Variants in MOB3B observed in about 807,000 individuals in gnomAD.
MOB3B encodes the protein MOB kinase activator-like 2B.
A neutral mutation model predicts 18.7 loss-of-function variants in MOB3B; 7 were observed. The ratio of observed to expected loss-of-function variants is 0.37; its 90% CI spans 0.21 to 0.70. The LOEUF (loss-of-function observed/expected upper bound fraction) is 0.70, where lower values mean the gene tolerates loss of function less well. MOB3B is among the 30% of genes least tolerant of loss of function. The pLI, the probability that MOB3B is intolerant of heterozygous loss-of-function variation, is 0.52. For synonymous variants in MOB3B, 111 were observed against 99.9 expected, an observed-to-expected ratio of 1.11 and a Z score of -0.66; for missense variants, 253 against 281.3, an observed-to-expected ratio of 0.90 and a Z score of 0.72.
chr9:27,394,509 T>C (rs1198231756), intron 2 of MOB3B, among the ~76,000 whole-genome samples: 1 of 152,182 alleles, frequency 6.6e-6, no homozygotes, highest in Admixed American at 6.5e-5. Context: ...AAATGAGCTA[T>C]AAAGACTGAC....
intron 2 of MOB3B, among the ~76,000 whole-genome samples, chr9:27,447,788 G>T (rs566688323): frequency 6.6e-6 from 1 of 152,200 alleles, no homozygotes; most frequent in Non-Finnish European, 1.5e-5. Context: ...TTGTGGTGGG[G>T]AACTGTGACC....
intron 2 of MOB3B, among the ~76,000 whole-genome samples, chr9:27,404,343 CTTTCT>C (rs1821934161): frequency 9.9e-6 from 1 of 100,664 alleles, no homozygotes; most frequent in African/African-American, 4.0e-5. Flanking sequence ...TTCCTTCTTT[CTTTCT>C]TTTTTTTTTT....
At chr9:27,380,153 G>A (rs550636913) in intron 2 of MOB3B, among the ~76,000 whole-genome samples, 1 of 152,130 alleles carries the variant, frequency 6.6e-6, no homozygotes, top group East Asian at 1.9e-4. Context: ...GCCCCCACTA[G>A]CAGTGCAACT....
At chr9:27,365,915 G>A (rs1005102660) in intron 2 of MOB3B, among the ~76,000 whole-genome samples, 13 of 152,200 alleles carry the variant, frequency 8.5e-5, no homozygotes, top group Admixed American at 3.3e-4. Context: ...GGAGTGCGCC[G>A]AGGCAACATG....
chr9:27,447,006 A>T (rs1218127012), intron 2 of MOB3B, among the ~76,000 whole-genome samples: 1 of 150,864 alleles, frequency 6.6e-6, no homozygotes, highest in African/African-American at 2.4e-5. Context: ...ATTAGCATGA[A>T]TTTTTTTTTT....
At position 27,398,492 on chromosome 9, in the gene MOB3B, G is replaced by T. The variant is rs115249002; in HGVS notation, c.419-39256C>A. 6.4e-3 allele frequency among the ~76,000 whole-genome samples: 978 copies of T among 152,312 alleles called. 18 individuals are homozygous for T. The highest frequency in any genetic ancestry group is 0.022 in the African/African-American group (909 of 41,568). On this transcript the variant is annotated intron_variant, in intron 2 of 3. Transcript: ENST00000262244. ...AGATCACAGTAGACATAAAGCATTT[G>T]ACACAGAGTCTAATACAGAGCAGGT...
At chr9:27,441,060 C>T (rs1343140597) in intron 2 of MOB3B, among the ~76,000 whole-genome samples, 1 of 152,056 alleles carries the variant, frequency 6.6e-6, no homozygotes. Flanking sequence ...AATCTAACAC[C>T]GCCACTGACC....
At chr9:27,518,191 T>C (rs1325471381) in intron 1 of MOB3B, among the ~76,000 whole-genome samples, 1 of 152,214 alleles carries the variant, frequency 6.6e-6, no homozygotes. Flanking sequence ...AAGAAGACAC[T>C]GTCTTCATCT....
chr9:27,479,971 T>C (rs970786196), intron 1 of MOB3B, among the ~76,000 whole-genome samples: 3 of 151,678 alleles, frequency 2.0e-5, no homozygotes, highest in African/African-American at 7.3e-5. Context: ...GCAGGAGAAT[T>C]GCTTTAGCCC....
At chr9:27,522,013 C>T (rs1193079254) in intron 1 of MOB3B, among the ~76,000 whole-genome samples, 2 of 151,802 alleles carry the variant, frequency 1.3e-5, no homozygotes, top group Admixed American at 6.6e-5. Context: ...GAGGCCGAGG[C>T]GGTCGGATCA....
intron 2 of MOB3B, among the ~76,000 whole-genome samples, chr9:27,423,553 G>C (rs1822287231): frequency 6.6e-6 from 1 of 151,620 alleles, no homozygotes; most frequent in Non-Finnish European, 1.5e-5. Flanking sequence ...CATTTAAAGA[G>C]GGAAAAAAAA....
rs1388548855 is a variant in MOB3B, at chr9:27,395,343, T to C, written c.419-36107A>G. The stretch of plus-strand genomic sequence containing the variant: ...AAAAATGATATGAGTTGATTCGTGT[T>C]CATTAGCTTGTTTTAATCATTCCAC... On this transcript the variant is annotated intron_variant, in intron 2 of 3. Coordinates refer to ENST00000262244, the MANE Select transcript of MOB3B (RefSeq NM_024761.5). 2.0e-5 allele frequency among the ~76,000 whole-genome samples: 3 copies of C among 152,330 alleles called. No individual in the cohort carries two copies. The East Asian group carries it at 5.8e-4, about 29-fold the overall frequency.
chr9:27,383,994 G>A (rs184594181), intron 2 of MOB3B, among the ~76,000 whole-genome samples: 1 of 152,256 alleles, frequency 6.6e-6, no homozygotes, highest in African/African-American at 2.4e-5. Flanking sequence ...GTATAGATAA[G>A]CATTATAAAG....
At chr9:27,509,985 A>G (rs1401471336) in intron 1 of MOB3B, among the ~76,000 whole-genome samples, 1 of 152,186 alleles carries the variant, frequency 6.6e-6, no homozygotes, top group Admixed American at 6.5e-5. Context: ...TCGCTCTCCT[A>G]AAGTGCTGGG....
At chr9:27,457,077 T>G (rs1819177309) in intron 1 of MOB3B, among the ~76,000 whole-genome samples, 1 of 152,236 alleles carries the variant, frequency 6.6e-6, no homozygotes, top group South Asian at 2.1e-4. Context: ...ATCCCATAGC[T>G]AGCTGGAGCA....
intron 1 of MOB3B, among the ~76,000 whole-genome samples, chr9:27,495,364 A>AATT (rs1563882864): frequency 4.0e-5 from 6 of 150,738 alleles, no homozygotes; most frequent in African/African-American, 1.5e-4. Context: ...ATAAATAAAT[A>AATT]AATTAATTAA....
chr9:27,412,222 G>A (rs922925983), intron 2 of MOB3B, among the ~76,000 whole-genome samples: 2 of 151,532 alleles, frequency 1.3e-5, no homozygotes, highest in African/African-American at 4.9e-5. Flanking sequence ...ATCAAGGAGA[G>A]GCAGCCATAC....
At chr9:27,427,667 A>T (rs1822356458) in intron 2 of MOB3B, among the ~76,000 whole-genome samples, 1 of 152,070 alleles carries the variant, frequency 6.6e-6, no homozygotes, top group Admixed American at 6.5e-5. Context: ...AACAATAAAG[A>T]TTCTATTCAT....
At chr9:27,363,563 C>T (rs149447722) in intron 2 of MOB3B, among the ~76,000 whole-genome samples, 1,674 of 150,874 alleles carry the variant, frequency 0.011, 28 homozygotes, top group Non-Finnish European at 0.011. Flanking sequence ...CCACCACGCC[C>T]GGCTCAGTTT....
Sources: allele counts gnomAD v4.1 joint callset (sites outside exome capture counted in the v4.1 genomes callset), GRCh38; gene constraint gnomAD v4.1.1; transcripts MANE v1.5; gene names NCBI Gene and HGNC (gene_info 2026-07-23, HGNC 2026-07-21).